Variants in BMAL2 observed in about 807,000 individuals in gnomAD.
BMAL2 encodes the protein basic helix-loop-helix ARNT-like protein 2.
the BMAL2 span, among the ~76,000 whole-genome samples, chr12:27,405,149 C>G: frequency 6.6e-6 from 1 of 152,192 alleles, no homozygotes; most frequent in Non-Finnish European, 1.5e-5. Context: ...GCCTGCCTGC[C>G]TCTGTAGACT....
At chr12:27,410,906 A>T in the BMAL2 span, among the ~76,000 whole-genome samples, 1 of 152,140 alleles carries the variant, frequency 6.6e-6, no homozygotes, top group Non-Finnish European at 1.5e-5. Flanking sequence ...TAAAAATTAA[A>T]ACCTTACACA....
the BMAL2 span, among the ~76,000 whole-genome samples, chr12:27,419,027 T>C: frequency 6.6e-6 from 1 of 151,862 alleles, no homozygotes; most frequent in Non-Finnish European, 1.5e-5. Context: ...AGAATTCAGT[T>C]ATCAATGGAA....
At chr12:27,379,288 C>A in the BMAL2 span, among the ~76,000 whole-genome samples, 1 of 152,164 alleles carries the variant, frequency 6.6e-6, no homozygotes, top group Non-Finnish European at 1.5e-5. Flanking sequence ...TCTTGAGAAT[C>A]ATTTAGGTTT....
At chr12:27,364,401 C>G in the BMAL2 span, among the ~76,000 whole-genome samples, 1 of 152,106 alleles carries the variant, frequency 6.6e-6, no homozygotes, top group Non-Finnish European at 1.5e-5. Flanking sequence ...ATAGAGAAAA[C>G]CAATTGATCC....
At chr12:27,376,325 T>C in the BMAL2 span, 99 of 1,610,020 alleles carry the variant, frequency 6.1e-5, no homozygotes, top group African/African-American at 1.1e-3. Context: ...TAGTTTGATA[T>C]TTTATCCTGC....
the BMAL2 span, among the ~76,000 whole-genome samples, chr12:27,371,903 T>C: frequency 6.6e-6 from 1 of 152,192 alleles, no homozygotes; most frequent in Admixed American, 6.5e-5. Flanking sequence ...TTCTCCTCTC[T>C]CCTGATCCCC....
At chr12:27,339,738 C>T in the BMAL2 span, among the ~76,000 whole-genome samples, 1 of 152,080 alleles carries the variant, frequency 6.6e-6, no homozygotes, top group Non-Finnish European at 1.5e-5. Flanking sequence ...CATTCTCCTG[C>T]CTCAGCCTCC....
the BMAL2 span, among the ~76,000 whole-genome samples, chr12:27,360,066 A>AT: frequency 6.8e-6 from 1 of 146,212 alleles, no homozygotes; most frequent in Non-Finnish European, 1.6e-5. Context: ...AAAAAAAAAA[A>AT]AAAAAAGTAC....
chr12:27,335,327 C>T, the BMAL2 span, among the ~76,000 whole-genome samples: 6 of 152,166 alleles, frequency 3.9e-5, no homozygotes, highest in Non-Finnish European at 8.8e-5. Flanking sequence ...ACTGGGTGTC[C>T]TCCTAATAAA....
the BMAL2 span, among the ~76,000 whole-genome samples, chr12:27,361,410 C>G: frequency 9.9e-5 from 15 of 152,218 alleles, no homozygotes; most frequent in Non-Finnish European, 1.8e-4. Flanking sequence ...TGTAAAAAGG[C>G]AATCACGATA....
the BMAL2 span, among the ~76,000 whole-genome samples, chr12:27,404,219 T>C: frequency 6.7e-6 from 1 of 149,644 alleles, no homozygotes; most frequent in Non-Finnish European, 1.5e-5. Context: ...CCATGCATTT[T>C]TTTTTTTTGG....
At chr12:27,417,892 C>T in the BMAL2 span, among the ~76,000 whole-genome samples, 1 of 152,030 alleles carries the variant, frequency 6.6e-6, no homozygotes, top group Non-Finnish European at 1.5e-5. Flanking sequence ...ACTTGGGAGG[C>T]TGAGGCAAGA....
the BMAL2 span, among the ~76,000 whole-genome samples, chr12:27,418,615 G>GTAAA: frequency 7.3e-5 from 11 of 151,186 alleles, no homozygotes; most frequent in South Asian, 2.1e-4. Context: ...AAAAAAAAAA[G>GTAAA]TAAATAAATA....
At chr12:27,367,426 C>T in the BMAL2 span, among the ~76,000 whole-genome samples, 2 of 152,122 alleles carry the variant, frequency 1.3e-5, no homozygotes, top group Non-Finnish European at 2.9e-5. Flanking sequence ...ACTGAAACCA[C>T]AGAAGGCAAA....
chr12:27,352,561 A>G, the BMAL2 span, among the ~76,000 whole-genome samples: 12 of 16,620 alleles, frequency 7.2e-4, no homozygotes, highest in Non-Finnish European at 1.2e-4. Context: ...CTCCTACTCA[A>G]CATAGTCCTG....
At chr12:27,343,503 G>C in the BMAL2 span, among the ~76,000 whole-genome samples, 37 of 152,136 alleles carry the variant, frequency 2.4e-4, no homozygotes, top group African/African-American at 8.7e-4. Flanking sequence ...GGCCTACATT[G>C]TGTCTACTAT....
chr12:27,340,945 G>A, the BMAL2 span, among the ~76,000 whole-genome samples: 1 of 152,050 alleles, frequency 6.6e-6, no homozygotes, highest in Non-Finnish European at 1.5e-5. Flanking sequence ...AGTGATTTTT[G>A]CACATTGATT....
chr12:27,414,631 A>G, the BMAL2 span, among the ~76,000 whole-genome samples: 16,996 of 152,186 alleles, frequency 0.11, 1,148 homozygotes, highest in African/African-American at 0.19. Context: ...ACATATCAAA[A>G]CGTATGGAAT....
At chr12:27,344,122 G>GAATTTAA in the BMAL2 span, among the ~76,000 whole-genome samples, 1 of 152,214 alleles carries the variant, frequency 6.6e-6, no homozygotes, top group Non-Finnish European at 1.5e-5. Context: ...AGGAAACTGA[G>GAATTTAA]GCATAGAGAA....
Sources: gnomAD v4.1 joint callset for allele counts (sites outside exome capture counted in the v4.1 genomes callset) on GRCh38, gnomAD v4.1.1 for gene constraint, MANE v1.5 for transcripts, NCBI Gene and HGNC (gene_info 2026-07-23, HGNC 2026-07-21) for gene names.